Variants in LINGO2 observed in about 807,000 individuals in gnomAD.
The protein encoded by LINGO2 is leucine rich repeat and Ig domain containing 2.
LINGO2 carries 14 observed loss-of-function variants against 30.6 expected under a neutral mutation model. The ratio of observed to expected loss-of-function variants is 0.46; its 90% confidence interval spans 0.30 to 0.72. The LOEUF (loss-of-function observed/expected upper bound fraction) is 0.72. LINGO2 is among the 30% of genes least tolerant of loss of function. The probability of loss-of-function intolerance (pLI) is 0.07; values close to 1 mark genes in which losing one functional copy is unlikely to be tolerated. For synonymous variants in LINGO2, 317 were observed against 288.5 expected (o/e 1.10, Z -1.00); for missense variants, 729 against 751.7 (o/e 0.97, Z 0.35).
the LINGO2 span, among the ~76,000 whole-genome samples, chr9:29,107,855 T>A: frequency 1.3e-5 from 2 of 148,348 alleles, no homozygotes; most frequent in Non-Finnish European, 3.0e-5. Context: ...AACCTTTATC[T>A]CTACTTTTCA....
At chr9:28,480,945 C>A (rs907261240) in intron 1 of LINGO2, among the ~76,000 whole-genome samples, 3 of 152,140 alleles carry the variant, frequency 2.0e-5, no homozygotes, top group African/African-American at 7.2e-5. Flanking sequence ...TCTGCCTCAA[C>A]AACAGTCCTG....
At chr9:28,713,903 A>G in the LINGO2 span, among the ~76,000 whole-genome samples, 41 of 152,058 alleles carry the variant, frequency 2.7e-4, no homozygotes, top group Non-Finnish European at 5.7e-4. Context: ...CACGCCTGTA[A>G]TCCCAGCACT....
intron 4 of LINGO2, among the ~76,000 whole-genome samples, chr9:28,150,952 T>G (rs1375180106): frequency 1.3e-5 from 2 of 152,226 alleles, no homozygotes; most frequent in African/African-American, 4.8e-5. Context: ...ATTTCAAAGT[T>G]AAATTCTTTT....
the LINGO2 span, among the ~76,000 whole-genome samples, chr9:29,041,225 G>A: frequency 6.6e-6 from 1 of 151,908 alleles, no homozygotes; most frequent in Admixed American, 6.6e-5. Context: ...TTCATAGACT[G>A]TAAGACTCAA....
At chr9:28,893,415 T>C in the LINGO2 span, among the ~76,000 whole-genome samples, 129,340 of 151,902 alleles carry the variant, frequency 0.85, 55,239 homozygotes, top group Non-Finnish European at 0.89. Context: ...AGTCTATTTA[T>C]TTTTAGGTTC....
chr9:29,157,052 C>A, the LINGO2 span, among the ~76,000 whole-genome samples: 1 of 151,810 alleles, frequency 6.6e-6, no homozygotes, highest in African/African-American at 2.4e-5. Context: ...AAATTAAGAA[C>A]TAAATTGCAT....
the LINGO2 span, among the ~76,000 whole-genome samples, chr9:29,035,705 T>G: frequency 6.6e-6 from 1 of 151,674 alleles, no homozygotes; most frequent in Non-Finnish European, 1.5e-5. Flanking sequence ...TAAATGATGT[T>G]AAGAAGACAA....
At chr9:27,998,977 G>A (rs932510137) in intron 5 of LINGO2, among the ~76,000 whole-genome samples, 3 of 152,082 alleles carry the variant, frequency 2.0e-5, no homozygotes, top group Non-Finnish European at 2.9e-5. Context: ...GCAGATTAGG[G>A]TCAGACCCAG....
chr9:29,164,139 C>T, the LINGO2 span, among the ~76,000 whole-genome samples: 3 of 151,666 alleles, frequency 2.0e-5, no homozygotes, highest in East Asian at 1.9e-4. Context: ...TCACCCACAA[C>T]CCTAGCTGAG....
intron 4 of LINGO2, among the ~76,000 whole-genome samples, chr9:28,290,773 C>G (rs979697909): frequency 6.6e-6 from 1 of 151,986 alleles, no homozygotes; most frequent in African/African-American, 2.4e-5. Flanking sequence ...TTTCAGAGGC[C>G]TGAACATCAT....
chr9:28,053,388 T>TA (rs76525071), intron 4 of LINGO2, among the ~76,000 whole-genome samples: 2 of 151,914 alleles, frequency 1.3e-5, no homozygotes, highest in African/African-American at 4.8e-5. Flanking sequence ...AGCAAGATCA[T>TA]AAAAAAACTG....
chr9:28,619,065 T>A (rs1438358065), intron 1 of LINGO2, among the ~76,000 whole-genome samples: 1 of 152,134 alleles, frequency 6.6e-6, no homozygotes, highest in Non-Finnish European at 1.5e-5. Flanking sequence ...ACAAAGGACT[T>A]CTTATTGAGT....
In LINGO2 at chr9:28,329,091, C is replaced by T. The variant is rs1322955455; in HGVS notation, c.-245-33725G>A. On this transcript the variant is annotated intron_variant, in intron 3 of 5. Transcript: ENST00000379992. This position sits in a 1 kb window ranked among gnomAD's most constrained non-coding sequence, Gnocchi z 4.5. ...AGTCCCAGTATTTCTTGGTGTGTTGCTCATGTTCATAAATATTTTTGCATA... is the reference window on the plus strand; with the variant it reads ...AGTCCCAGTATTTCTTGGTGTGTTGTTCATGTTCATAAATATTTTTGCATA... 6.6e-6 allele frequency among the ~76,000 whole-genome samples: 1 copy of T among 152,084 alleles called. No homozygotes were observed. The highest frequency in any genetic ancestry group is 2.4e-5 in the African/African-American group (1 of 41,396).
the LINGO2 span, among the ~76,000 whole-genome samples, chr9:29,197,385 A>T: frequency 7.9e-5 from 12 of 152,080 alleles, no homozygotes; most frequent in African/African-American, 2.7e-4. Flanking sequence ...AGTATTCTGT[A>T]TGATAATTTC....
intron 4 of LINGO2, among the ~76,000 whole-genome samples, chr9:28,042,652 C>A (rs1824245860): frequency 1.3e-5 from 2 of 152,030 alleles, no homozygotes; most frequent in Non-Finnish European, 2.9e-5. Flanking sequence ...TGGAAAAATT[C>A]ATATATTCAA....
the LINGO2 span, among the ~76,000 whole-genome samples, chr9:28,688,046 A>T: frequency 6.6e-6 from 1 of 152,168 alleles, no homozygotes; most frequent in Non-Finnish European, 1.5e-5. Context: ...AAGCTCTAAA[A>T]ATTTCACACC....
intron 1 of LINGO2, among the ~76,000 whole-genome samples, chr9:28,506,522 A>ATATATATAT (rs1564250917): frequency 7.3e-6 from 1 of 136,480 alleles, no homozygotes; most frequent in African/African-American, 2.6e-5. Context: ...ATATATATAT[A>ATATATATAT]AACTGTTGGG....
intron 4 of LINGO2, among the ~76,000 whole-genome samples, chr9:28,142,157 C>CA: frequency 7.4e-6 from 1 of 135,976 alleles, no homozygotes; most frequent in Non-Finnish European, 1.6e-5. Context: ...CTTTCTTTGT[C>CA]TTTTTTTTTT....
intron 2 of LINGO2, among the ~76,000 whole-genome samples, chr9:28,388,228 T>A (rs1214576035): frequency 6.6e-6 from 1 of 152,222 alleles, no homozygotes; most frequent in Non-Finnish European, 1.5e-5. Flanking sequence ...AATCGCTCTT[T>A]TATGCATCTG....
Sources: gnomAD v4.1 joint callset for allele counts (sites outside exome capture counted in the v4.1 genomes callset) on GRCh38, gnomAD v4.1.1 for gene constraint, Gnocchi (gnomAD v3.1) non-coding constraint, MANE v1.5 for transcripts, NCBI Gene and HGNC (gene_info 2026-07-23, HGNC 2026-07-21) for gene names.